FOXI2: variants seen among roughly 807,000 people sequenced by gnomAD.
FOXI2 encodes forkhead box protein I2.
A neutral mutation model predicts 14.3 loss-of-function variants in FOXI2; 17 were observed. That is an observed-to-expected ratio of 1.19 (90% CI 0.81 to 1.78). The LOEUF (loss-of-function observed/expected upper bound fraction) is 1.78, where lower values mean the gene tolerates loss of function less well. Ranked by LOEUF, FOXI2 falls within the 40% of genes most tolerant of loss-of-function variation. The probability of loss-of-function intolerance (pLI) is 0.00; values close to 1 mark genes in which losing one functional copy is unlikely to be tolerated. For synonymous variants in FOXI2, 240 were observed against 218.8 expected (o/e 1.10, Z -0.85); for missense variants, 541 against 460.0 (o/e 1.18, Z -1.61).
At position 127,740,069 on chromosome 10, in the gene FOXI2, T is replaced by TCACACTCACACCCACACTCACACCCAC. The variant is rs1554874515; in HGVS notation, c.*1104_*1105insCACACTCACACCCACACTCACACCCAC. 3 of 62,064 alleles carry TCACACTCACACCCACACTCACACCCAC rather than the reference T, an allele frequency of 4.8e-5. No homozygotes were observed. Among genetic ancestry groups the TCACACTCACACCCACACTCACACCCAC allele is most frequent in the Non-Finnish European group, 8.6e-5 (3 of 34,896 alleles). The allele number at this position is 62,064 out of a possible 1,614,324, so 3.8% of individuals were successfully genotyped here. A position where few individuals can be genotyped will look rare whatever the true frequency, so the allele number is the denominator to read the frequency against. ...ACACCCACACTCACACCCACACTCA[T>TCACACTCACACCCACACTCACACCCAC]ACTCACACTCACACCCACACTCACA... On this transcript the variant is annotated 3_prime_UTR_variant, in exon 2 of 2. Coordinates refer to ENST00000388920, the MANE Select transcript of FOXI2 (RefSeq NM_207426.3).
rs1301669966 is a variant in FOXI2 at position 127,739,935 on chromosome 10, A to C, written c.*970A>C. 3.6e-5 allele frequency: 2 copies of C among 55,024 alleles called. No individual in the cohort carries two copies. The highest frequency in any genetic ancestry group is 8.0e-5 in the African/African-American group (1 of 12,458). 3.4% of individuals were successfully genotyped at this position (55,024 alleles called of 1,614,324 possible). ...CACACCCACACCCACACTCACACCCACACACACTCACACCCACACACACCC... is the reference window on the plus strand; with the variant it reads ...CACACCCACACCCACACTCACACCCCCACACACTCACACCCACACACACCC... On this transcript the variant is annotated 3_prime_UTR_variant, in exon 2 of 2. Coordinates refer to ENST00000388920, the MANE Select transcript of FOXI2 (RefSeq NM_207426.3).
rs1351977025 is a variant in FOXI2, at chr10:127,739,198, GCTCTGC to G, written c.*238_*243del. On this transcript the variant is annotated 3_prime_UTR_variant, in exon 2 of 2. Transcript: ENST00000388920. ...CCCAGGCGACCTTCGGAACCTCCCT[GCTCTGC>G]CTCTAAGTCCAGCCGCCCTGGGCGT... 8.1e-5 allele frequency: 42 copies of G among 519,218 alleles called. No individual in the cohort carries two copies. Among genetic ancestry groups the G allele is most frequent in the African/African-American group, 6.7e-4 (33 of 49,554 alleles). 32.2% of individuals were successfully genotyped at this position (519,218 alleles called of 1,614,324 possible).
Position 127,737,425 on chromosome 10 carries a change from AGTCCTACGCTTCGG to A in FOXI2, c.157_170del (p.Tyr53ArgfsTer78). ...GTGAACGCGCCAGCGCTCAGCCCCA[AGTCCTACGCTTCGG>A]GTCCCGGGCCTGCGCCGCCCTACGC... On this transcript the variant is annotated frameshift_variant, in exon 1 of 2. Coordinates refer to ENST00000388920, the MANE Select transcript of FOXI2 (RefSeq NM_207426.3). LOFTEE classifies it high-confidence loss of function. 1.5e-6 allele frequency: 2 copies of A among 1,369,240 alleles called. No individual in the cohort carries two copies. The highest frequency in any genetic ancestry group is 1.9e-6 in the Non-Finnish European group (2 of 1,072,916). 84.8% of individuals were successfully genotyped at this position (1,369,240 alleles called of 1,614,324 possible).
rs765811608 is a variant in FOXI2, at chr10:127,737,778, G to T, written c.505G>T (p.Asp169Tyr). Residue 169 changes from aspartate (D) to tyrosine (Y), a missense_variant, in exon 1 of 2, where the codon GAC becomes TAC. Coordinates refer to ENST00000388920, the MANE Select transcript of FOXI2 (RefSeq NM_207426.3). ...CAAGAAGGTGCCCCGCGACGAGGAC[G>T]ACCCAGGTAACAGCGGCGCGCCGGC... ...CFKKVPRDEDDPGKGNYWTLD... is the reference protein window; with the variant it reads ...CFKKVPRDEDYPGKGNYWTLD... 6.2e-7 allele frequency: 1 copy of T among 1,610,206 alleles called. No individual in the cohort carries two copies. Among genetic ancestry groups the T allele is most frequent in the Non-Finnish European group, 8.5e-7 (1 of 1,178,266 alleles).
rs1846506900 is a variant in FOXI2 at position 127,740,196 on chromosome 10, C to T, written c.*1231C>T. The T allele has an allele frequency of 6.7e-6, 1 of 150,212 alleles. No homozygotes were observed. Among genetic ancestry groups the T allele is most frequent in the African/African-American group, 2.5e-5 (1 of 40,530 alleles). 9.3% of individuals were successfully genotyped at this position (150,212 alleles called of 1,614,324 possible). On this transcript the variant is annotated 3_prime_UTR_variant, in exon 2 of 2. Coordinates refer to ENST00000388920, the MANE Select transcript of FOXI2 (RefSeq NM_207426.3). ...TCACACACCCACACCCACACCCACA[C>T]CCACACCCACACCCACACCCACACT...
rs1398392234 is a variant in FOXI2, at chr10:127,738,786, G to T, written c.778G>T (p.Gly260Cys). The T allele has an allele frequency of 4.4e-6, 7 of 1,605,850 alleles. No homozygotes were observed. Among genetic ancestry groups the T allele is most frequent in the Non-Finnish European group, 5.9e-6 (7 of 1,177,058 alleles). The part of the protein sequence containing the change: ...SAMSALAGGL[G>C]TFPGGLAGDF... ...TATGAGCGCTCTGGCTGGCGGCCTTGGCACCTTCCCCGGGGGCCTGGCGGG... is the reference window on the plus strand; with the variant it reads ...TATGAGCGCTCTGGCTGGCGGCCTTTGCACCTTCCCCGGGGGCCTGGCGGG... The change falls in exon 2 of 2, where the codon GGC (glycine) becomes TGC (cysteine). Residue 260 changes from glycine (G) to cysteine (C), a missense_variant. Gly to Cys is a radical substitution (Grantham distance 159). Coordinates refer to ENST00000388920, the MANE Select transcript of FOXI2 (RefSeq NM_207426.3).
chr10:127,738,655 A>G lies in FOXI2; in HGVS notation c.647A>G (p.Glu216Gly). ...GGAGCCAGGAGCGTGGGAGGGGCCG[A>G]GGCGCCAGCGCTGGAGCCCCCGAGC... ...RSGARSVGGAEAPALEPPSAA... is the reference protein window; with the variant it reads ...RSGARSVGGAGAPALEPPSAA... Residue 216 changes from glutamate to glycine, a missense_variant, in exon 2 of 2, where the codon GAG becomes GGG. Glu to Gly is a moderately conservative substitution (Grantham distance 98, BLOSUM62 -2). Transcript: ENST00000388920. 2 of 1,597,166 alleles carry G rather than the reference A, an allele frequency of 1.3e-6. No homozygotes were observed. The highest frequency in any genetic ancestry group is 1.7e-6 in the Non-Finnish European group (2 of 1,171,692).
chr10:127,737,893 G>T (rs956777868), intron 1 of FOXI2, 109 bp downstream of exon 1: 44 of 1,480,198 alleles, frequency 3.0e-5, no homozygotes, highest in Non-Finnish European at 3.4e-5. Flanking sequence ...CTCCCTGCGC[G>T]GTTGGGGATA....
rs1269041820 is a variant in FOXI2 at position 127,740,113 on chromosome 10, CCA to C, written c.*1152_*1153del. Reference sequence around the variant, plus strand: ...ACTCACACTCACACCCACACTCACACCACACTCACACCCACACACACCCACAC... The same window carrying C: ...ACTCACACTCACACCCACACTCACACCACTCACACCCACACACACCCACAC... On this transcript the variant is annotated 3_prime_UTR_variant, in exon 2 of 2. Transcript: ENST00000388920. The C allele has an allele frequency of 2.4e-5, 1 of 41,600 alleles. No individual in the cohort carries two copies. The highest frequency in any genetic ancestry group is 6.5e-4 in the East Asian group (1 of 1,550). 2.6% of individuals were successfully genotyped at this position (41,600 alleles called of 1,614,324 possible).
chr10:127,738,004 C>T (rs1846440729), intron 1 of FOXI2, among the ~76,000 whole-genome samples: 1 of 152,158 alleles, frequency 6.6e-6, no homozygotes, highest in African/African-American at 2.4e-5. Flanking sequence ...GCGGCGGTCC[C>T]GGGGCTCTCA....
Position 127,738,576 on chromosome 10 carries a change from A to G in FOXI2, c.568A>G (p.Asn190Asp). The change falls in exon 2 of 2, where the codon AAC (asparagine) becomes GAC (aspartate). Residue 190 changes from asparagine (N) to aspartate (D), a missense_variant. Coordinates refer to ENST00000388920, the MANE Select transcript of FOXI2 (RefSeq NM_207426.3). The stretch of plus-strand genomic sequence containing the variant: ...CTGCGAGAAGATGTTTGACAACGGG[A>G]ACTTCCGAAGGAAGAGGAAGAGGAG... The part of the protein sequence containing the change: ...PNCEKMFDNG[N>D]FRRKRKRRAE... 1.2e-6 allele frequency: 2 copies of G among 1,613,014 alleles called. No individual in the cohort carries two copies. Among genetic ancestry groups the G allele is most frequent in the East Asian group, 2.2e-5 (1 of 44,850 alleles).
chr10:127,738,767 C>A lies in FOXI2; in HGVS notation c.759C>A (p.Ser253Arg), dbSNP rs1262081867. 3 of 1,605,424 alleles carry A rather than the reference C, an allele frequency of 1.9e-6. No homozygotes were observed. The highest frequency in any genetic ancestry group is 1.7e-6 in the Non-Finnish European group (2 of 1,176,704). Residue 253 changes from serine (S) to arginine (R), a missense_variant, in exon 2 of 2, where the codon AGC becomes AGA. By Grantham distance (110) the Ser-to-Arg change is moderately radical. Coordinates refer to ENST00000388920, the MANE Select transcript of FOXI2 (RefSeq NM_207426.3). Reference protein sequence around the residue: ...TCFSGFASAMSALAGGLGTFP... With the variant: ...TCFSGFASAMRALAGGLGTFP... ...TCTCCGGTTTCGCTTCTGCTATGAG[C>A]GCTCTGGCTGGCGGCCTTGGCACCT...
Position 127,738,888 on chromosome 10 carries a change from GC to G in FOXI2, c.884del (p.Pro295LeufsTer39). On this transcript the variant is annotated frameshift_variant, in exon 2 of 2. Transcript: ENST00000388920. LOFTEE classifies it low-confidence loss of function (END_TRUNC). ...GACCCTTAACCCCTCCCCTGGCTTC[GC>G]CCCTGGCCACCAGACCGCGGCCGCC... ...PQTLNPSPGF[A>X]PGHQTAAAGF... 1 of 1,606,424 alleles carries G rather than the reference GC, an allele frequency of 6.2e-7. No homozygotes were observed.
Position 127,738,720 on chromosome 10 carries a change from G to T in FOXI2, c.712G>T (p.Ala238Ser). The T allele has an allele frequency of 6.3e-7, 1 of 1,597,510 alleles. No individual in the cohort carries two copies. Among genetic ancestry groups the T allele is most frequent in the Non-Finnish European group, 8.5e-7 (1 of 1,172,614 alleles). ...CCTGCAGGCCTCGCCCTCTCCATCC[G>T]CACCCGAGGCCGCCACCTGCTTCTC... The part of the protein sequence containing the change: ...LDLQASPSPS[A>S]PEAATCFSGF... The change falls in exon 2 of 2, where the codon GCA becomes TCA. Residue 238 changes from alanine to serine, a missense_variant. By Grantham distance (99) the Ala-to-Ser change is moderately conservative. Coordinates refer to ENST00000388920, the MANE Select transcript of FOXI2 (RefSeq NM_207426.3).
In FOXI2 at chr10:127,739,002, G is replaced by C. The variant is rs1171817847; in HGVS notation, c.*37G>C. The C allele has an allele frequency of 6.4e-7, 1 of 1,555,692 alleles. No individual in the cohort carries two copies. The highest frequency in any genetic ancestry group is 1.8e-5 in the Admixed American group (1 of 56,996). On this transcript the variant is annotated 3_prime_UTR_variant, in exon 2 of 2. Coordinates refer to ENST00000388920, the MANE Select transcript of FOXI2 (RefSeq NM_207426.3). Reference sequence around the variant, plus strand: ...AGGCTAGCCGGGTGCGGGTCCAGAGGTGCTGAGCTCAGGCCTCCGGTTTCC... The same window carrying C: ...AGGCTAGCCGGGTGCGGGTCCAGAGCTGCTGAGCTCAGGCCTCCGGTTTCC...
rs1846480637 is a variant in FOXI2 at position 127,739,863 on chromosome 10, TCACACCCACACTCACACC to T, written c.*910_*927del. 12 of 24,350 alleles carry T rather than the reference TCACACCCACACTCACACC, an allele frequency of 4.9e-4. 1 individual carries two copies. The highest frequency in any genetic ancestry group is 7.1e-4 in the African/African-American group (6 of 8,446). 1.5% of individuals were successfully genotyped at this position (24,350 alleles called of 1,614,324 possible). A position where few individuals can be genotyped will look rare whatever the true frequency, so the allele number is the denominator to read the frequency against. ...CTCACACTCACACTCACACCCACAC[TCACACCCACACTCACACC>T]CACACCCACACCCACACTCACACAC... On this transcript the variant is annotated 3_prime_UTR_variant, in exon 2 of 2. Transcript: ENST00000388920.
intron 1 of FOXI2, among the ~76,000 whole-genome samples, chr10:127,738,016 T>C (rs1171266478): frequency 6.6e-6 from 1 of 152,118 alleles, no homozygotes; most frequent in East Asian, 1.9e-4. Flanking sequence ...GGGCTCTCAA[T>C]CTCTGTGCGC....
rs1356925366 is a variant in FOXI2, at chr10:127,739,863, T to TCACACC, written c.*904_*909dup. On this transcript the variant is annotated 3_prime_UTR_variant, in exon 2 of 2. Coordinates refer to ENST00000388920, the MANE Select transcript of FOXI2 (RefSeq NM_207426.3). The stretch of plus-strand genomic sequence containing the variant: ...CTCACACTCACACTCACACCCACAC[T>TCACACC]CACACCCACACTCACACCCACACCC... The TCACACC allele has an allele frequency of 0.012, 286 of 24,346 alleles. 43 individuals carry two copies. The highest frequency in any genetic ancestry group is 0.029 in the African/African-American group (241 of 8,438). 1.5% of individuals were successfully genotyped at this position (24,346 alleles called of 1,614,324 possible).
intron 1 of FOXI2, among the ~76,000 whole-genome samples, chr10:127,738,285 C>T (rs111886437): frequency 2.2e-4 from 33 of 152,220 alleles, no homozygotes; most frequent in African/African-American, 7.9e-4. Flanking sequence ...CTTAACGGGG[C>T]TCGGCCTTTC....
Sources: allele counts gnomAD v4.1 joint callset (sites outside exome capture counted in the v4.1 genomes callset), GRCh38; gene constraint gnomAD v4.1.1; transcripts MANE v1.5; gene names NCBI Gene and HGNC (gene_info 2026-07-23, HGNC 2026-07-21).